Variants in PTPRD observed in about 807,000 individuals in gnomAD.
PTPRD encodes protein tyrosine phosphatase receptor type D.
A neutral mutation model predicts 214.5 loss-of-function variants in PTPRD; 34 were observed. That is an observed-to-expected ratio of 0.16 (90% confidence interval 0.12 to 0.21). The LOEUF is 0.21. Ranked by LOEUF, PTPRD falls within the 10% of genes least tolerant of loss-of-function variation. The probability of loss-of-function intolerance (pLI) is 1.00; values close to 1 mark genes in which losing one functional copy is unlikely to be tolerated. For missense variants in PTPRD, 2,545 were observed against 2,398.7 expected (o/e 1.06, Z -1.27); for synonymous variants, 1,128 against 845.7 (o/e 1.33, Z -5.79).
At chr9:10,514,016 G>C (rs73396207) in intron 2 of PTPRD, among the ~76,000 whole-genome samples, 4,826 of 152,158 alleles carry the variant, frequency 0.032, 213 homozygotes, top group African/African-American at 0.1. Context: ...TCCCTTATGT[G>C]TAAGCTTTGT....
At chr9:9,841,438 T>G (rs2058309632) in intron 5 of PTPRD, among the ~76,000 whole-genome samples, 1 of 152,154 alleles carries the variant, frequency 6.6e-6, no homozygotes, top group Non-Finnish European at 1.5e-5. Flanking sequence ...TGATTTGGGA[T>G]AAGTAGTACA....
At chr9:9,536,413 G>C (rs906775361) in intron 8 of PTPRD, among the ~76,000 whole-genome samples, 3 of 151,884 alleles carry the variant, frequency 2.0e-5, no homozygotes, top group Non-Finnish European at 4.4e-5. Flanking sequence ...TTAAAGGACA[G>C]GAATTAATTA....
Position 9,462,624 on chromosome 9 carries a change from G to A in PTPRD, c.-236-65142C>T, listed in dbSNP as rs532050420. Among the ~76,000 whole-genome samples, 17 of 152,176 alleles carry A rather than the reference G, an allele frequency of 1.1e-4. No homozygotes were observed. The East Asian group carries it at 2.7e-3, about 24-fold the overall frequency. Reference sequence around the variant, plus strand: ...CAGGGTGGCCTGTTCTAGTTGCCTCGTTGTTTTGCAGATCCTTCTCCCTTA... The same window carrying A: ...CAGGGTGGCCTGTTCTAGTTGCCTCATTGTTTTGCAGATCCTTCTCCCTTA... On this transcript the variant is annotated intron_variant, in intron 8 of 45. Coordinates refer to ENST00000381196, the MANE Select transcript of PTPRD (RefSeq NM_002839.4).
rs143404083 is a variant in PTPRD, at chr9:8,500,791, A to C, written c.2091T>G (p.Pro697=). The C allele has an allele frequency of 2.5e-6, 4 of 1,614,056 alleles. No homozygotes were observed. In the African/African-American group the frequency reaches 4.0e-5, roughly 16 times the overall value. The change falls in exon 24 of 46, where the codon CCT becomes CCG. Residue 697 remains proline (P), a synonymous_variant. Transcript: ENST00000381196. ...VTAHTDVGPG[P]ESLSVLIRTN... ...TTCGAATCAACACGGACAAGCTCTC[A>C]GGGCCAGGGCCGACATCTGTATGGG...
intron 2 of PTPRD, among the ~76,000 whole-genome samples, chr9:10,432,048 A>G (rs1355608748): frequency 1.3e-5 from 2 of 152,048 alleles, no homozygotes; most frequent in Non-Finnish European, 2.9e-5. Context: ...ATGTCCAACA[A>G]TGACAGACTG....
intron 3 of PTPRD, among the ~76,000 whole-genome samples, chr9:10,283,498 C>G (rs2095228430): frequency 6.6e-6 from 1 of 152,114 alleles, no homozygotes. Flanking sequence ...GTTATTTGCA[C>G]TTATTTAGTT....
rs1210108500 is a variant in PTPRD at position 8,676,867 on chromosome 9, C to G, written c.65-40023G>C. Among the ~76,000 whole-genome samples, 3 of 152,204 alleles carry G rather than the reference C, an allele frequency of 2.0e-5. No homozygotes were observed. The East Asian group carries it at 5.8e-4, about 29-fold the overall frequency. On this transcript the variant is annotated intron_variant, in intron 12 of 45. Coordinates refer to ENST00000381196, the MANE Select transcript of PTPRD (RefSeq NM_002839.4). ...GGGACTGCAGGCGTGAGCCACCGTGCCCGGCCCATTGTCATCTATATTTTG... is the reference window on the plus strand; with the variant it reads ...GGGACTGCAGGCGTGAGCCACCGTGGCCGGCCCATTGTCATCTATATTTTG...
At chr9:10,042,158 T>G (rs972547342) in intron 3 of PTPRD, among the ~76,000 whole-genome samples, 1 of 152,010 alleles carries the variant, frequency 6.6e-6, no homozygotes, top group Non-Finnish European at 1.5e-5. Context: ...AATAAGGCCC[T>G]GTAGGCATAT....
intron 8 of PTPRD, among the ~76,000 whole-genome samples, chr9:9,544,270 T>C (rs1489227560): frequency 1.3e-5 from 2 of 151,816 alleles, no homozygotes; most frequent in Non-Finnish European, 3.0e-5. Flanking sequence ...ATTTGTAATA[T>C]TAATTTCTGC....
At chr9:9,350,005 C>A (rs1050347058) in intron 9 of PTPRD, among the ~76,000 whole-genome samples, 1 of 152,048 alleles carries the variant, frequency 6.6e-6, no homozygotes, top group Non-Finnish European at 1.5e-5. Flanking sequence ...CCTTGAAACT[C>A]CTTTTTCTGA....
At chr9:9,963,428 T>C (rs1045984231) in intron 4 of PTPRD, among the ~76,000 whole-genome samples, 1 of 149,812 alleles carries the variant, frequency 6.7e-6, no homozygotes, top group Non-Finnish European at 1.5e-5. Context: ...TATAACTTTA[T>C]AATTAACCTC....
intron 6 of PTPRD, among the ~76,000 whole-genome samples, chr9:9,754,824 C>T (rs757826724): frequency 2.0e-5 from 3 of 151,966 alleles, no homozygotes; most frequent in African/African-American, 7.2e-5. Context: ...TAAGCTGTCA[C>T]GTTCTACCTG....
chr9:8,614,805 G>A (rs995066486), intron 14 of PTPRD, among the ~76,000 whole-genome samples: 6 of 152,082 alleles, frequency 3.9e-5, no homozygotes, highest in Admixed American at 6.6e-5. Context: ...CAAAGTCTAC[G>A]ACAGAGTTGG....
intron 3 of PTPRD, among the ~76,000 whole-genome samples, chr9:10,204,757 A>T (rs1168553933): frequency 6.6e-6 from 1 of 152,152 alleles, no homozygotes; most frequent in Non-Finnish European, 1.5e-5. Context: ...CAAAATTAAT[A>T]TCTAATACAT....
At chr9:9,958,030 A>G (rs1354433690) in intron 4 of PTPRD, among the ~76,000 whole-genome samples, 1 of 152,034 alleles carries the variant, frequency 6.6e-6, no homozygotes, top group Non-Finnish European at 1.5e-5. Context: ...GTGTATGTGT[A>G]AGAGAGAGAA....
chr9:10,288,463 T>A (rs2154398614), intron 3 of PTPRD, among the ~76,000 whole-genome samples: 1 of 152,296 alleles, frequency 6.6e-6, no homozygotes, highest in Non-Finnish European at 1.5e-5. Context: ...ACAACTTAGC[T>A]TTTGTTTTCA....
chr9:8,503,047 C>T (rs1217892512), intron 23 of PTPRD, among the ~76,000 whole-genome samples: 1 of 151,810 alleles, frequency 6.6e-6, no homozygotes, highest in Non-Finnish European at 1.5e-5. Flanking sequence ...CATGCTTACG[C>T]CTTTAAATGA....
chr9:9,356,408 T>G (rs2053804650), intron 9 of PTPRD, among the ~76,000 whole-genome samples: 1 of 151,302 alleles, frequency 6.6e-6, no homozygotes. Context: ...ATTTTTTTCA[T>G]GACCCATCAC....
At chr9:10,208,055 C>G (rs976081658) in intron 3 of PTPRD, among the ~76,000 whole-genome samples, 3 of 152,112 alleles carry the variant, frequency 2.0e-5, no homozygotes, top group Non-Finnish European at 2.9e-5. Flanking sequence ...GATCATAAAC[C>G]TAAATATAGC....
Sources: allele counts gnomAD v4.1 joint callset (sites outside exome capture counted in the v4.1 genomes callset), GRCh38; gene constraint gnomAD v4.1.1; transcripts MANE v1.5; gene names NCBI Gene and HGNC (gene_info 2026-07-23, HGNC 2026-07-21).